The following ANKIB1 variants were observed in gnomAD, a reference collection of about 807,000 sequenced individuals.
The protein encoded by ANKIB1 is ankyrin repeat and IBR domain-containing protein 1.
In ANKIB1, 43 loss-of-function variants were observed where a neutral mutation model predicts 122.1. That is an observed-to-expected ratio of 0.35 (90% confidence interval 0.28 to 0.45). ANKIB1 has a LOEUF of 0.45. Ranked by LOEUF, ANKIB1 falls within the 20% of genes least tolerant of loss-of-function variation. The pLI is 1.00. For synonymous variants in ANKIB1, 390 were observed against 442.0 expected (o/e 0.88, Z 1.48); for missense variants, 992 against 1,329.5 (o/e 0.75, Z 3.95).
chr7:92,373,452 A>T (rs962425525), intron 11 of ANKIB1, among the ~76,000 whole-genome samples: 1 of 152,202 alleles, frequency 6.6e-6, no homozygotes, highest in Non-Finnish European at 1.5e-5. Flanking sequence ...AAGGTAATCC[A>T]ACTTAAACAG....
At chr7:92,335,978 ATTC>A (rs2131966817) in intron 5 of ANKIB1, among the ~76,000 whole-genome samples, 1 of 152,048 alleles carries the variant, frequency 6.6e-6, no homozygotes, top group South Asian at 2.1e-4. Context: ...TGTTGTATAT[ATTC>A]TTATCATTTT....
chr7:92,343,555 C>T (rs185149099), intron 6 of ANKIB1, among the ~76,000 whole-genome samples: 1 of 152,100 alleles, frequency 6.6e-6, no homozygotes. Context: ...AGGCCAGGCA[C>T]AGTAAGTAGC....
chr7:92,335,092 A>G (rs1296086429), intron 5 of ANKIB1, among the ~76,000 whole-genome samples: 1 of 151,400 alleles, frequency 6.6e-6, no homozygotes, highest in Non-Finnish European at 1.5e-5. Flanking sequence ...TTTTTTTTCT[A>G]TTGAGGCCAA....
intron 17 of ANKIB1, 139 bp from the exon 18 acceptor site, chr7:92,396,226 T>C (rs1804886197): frequency 4.7e-6 from 3 of 635,978 alleles, no homozygotes; most frequent in Admixed American, 3.0e-5. Flanking sequence ...TGGCAAAACC[T>C]GATGTTTCAG....
chr7:92,370,644 G>A (rs1285989759), intron 10 of ANKIB1, among the ~76,000 whole-genome samples: 1 of 150,498 alleles, frequency 6.6e-6, no homozygotes, highest in African/African-American at 2.4e-5. Context: ...ACATAGAAAT[G>A]ATAATTACTC....
Position 92,398,453 on chromosome 7 carries a change from T to A in ANKIB1, c.2774T>A (p.Leu925Gln), listed in dbSNP as rs767140253. 2 of 1,613,780 alleles carry A rather than the reference T, an allele frequency of 1.2e-6. No individual in the cohort carries two copies. The highest frequency in any genetic ancestry group is 2.7e-5 in the African/African-American group (2 of 74,922). Residue 925 changes from leucine to glutamine, a missense_variant, in exon 20 of 20, where the codon CTA (leucine) becomes CAA (glutamine). Coordinates refer to ENST00000265742, the MANE Select transcript of ANKIB1 (RefSeq NM_019004.2). ...GAACTTGGTGACAGCCTCATGAGAC[T>A]AGGAGCAGAGAATGACCCATTTTCA... ...LLELGDSLMR[L>Q]GAENDPFSTD...
intron 1 of ANKIB1, among the ~76,000 whole-genome samples, chr7:92,274,466 G>T (rs903677410): frequency 1.3e-5 from 2 of 151,962 alleles, no homozygotes; most frequent in Non-Finnish European, 2.9e-5. Context: ...ATATTGAAGG[G>T]TTTTAAGTAA....
At chr7:92,257,437 T>C (rs1439721455) in intron 1 of ANKIB1, among the ~76,000 whole-genome samples, 1 of 152,198 alleles carries the variant, frequency 6.6e-6, no homozygotes, top group African/African-American at 2.4e-5. Flanking sequence ...TGCCAATAAA[T>C]AAAGAATTGG....
chr7:92,294,782 T>A (rs1469676500), intron 1 of ANKIB1, 107 bp from the exon 2 acceptor site: 6 of 480,194 alleles, frequency 1.2e-5, no homozygotes, highest in Admixed American at 3.8e-5. Context: ...TATAGTTGGT[T>A]CCCTTATCGA....
At chr7:92,345,154 G>A (rs896961177) in intron 7 of ANKIB1, 88 bp downstream of exon 7, 12 of 936,408 alleles carry the variant, frequency 1.3e-5, no homozygotes, top group South Asian at 9.6e-5. Flanking sequence ...ATTTAATGAT[G>A]CAAATTGTTT....
At chr7:92,359,981 A>G (rs1803906998) in intron 9 of ANKIB1, among the ~76,000 whole-genome samples, 1 of 152,148 alleles carries the variant, frequency 6.6e-6, no homozygotes, top group South Asian at 2.1e-4. Flanking sequence ...GCTCTGTAAA[A>G]CCACAATTAT....
chr7:92,294,803 A>AT (rs568594225), intron 1 of ANKIB1, 86 bp from the exon 2 acceptor site: 32 of 509,452 alleles, frequency 6.3e-5, no homozygotes, highest in Admixed American at 1.1e-4. Context: ...TGATTCCCAG[A>AT]TTTTTTTTAG....
At chr7:92,387,555 G>C (rs1409144555) in intron 12 of ANKIB1, among the ~76,000 whole-genome samples, 1 of 151,746 alleles carries the variant, frequency 6.6e-6, no homozygotes, top group Non-Finnish European at 1.5e-5. Context: ...AAAATCAGTT[G>C]AACCTGGGAG....
chr7:92,252,518 C>T (rs912241664), intron 1 of ANKIB1, among the ~76,000 whole-genome samples: 2 of 151,710 alleles, frequency 1.3e-5, no homozygotes, highest in Admixed American at 6.6e-5. Flanking sequence ...TCCCGAGTAG[C>T]TGAGATTACA....
At chr7:92,346,708 TACC>T (rs1803548126) in intron 7 of ANKIB1, among the ~76,000 whole-genome samples, 1 of 152,206 alleles carries the variant, frequency 6.6e-6, no homozygotes, top group African/African-American at 2.4e-5. Context: ...TAGGAAGTAC[TACC>T]TGAGCTCTAC....
chr7:92,362,611 A>G (rs1803977163), intron 10 of ANKIB1, among the ~76,000 whole-genome samples: 1 of 152,210 alleles, frequency 6.6e-6, no homozygotes, highest in African/African-American at 2.4e-5. Context: ...TGGAAGTAGT[A>G]TATGATCTGT....
intron 15 of ANKIB1, 35 bp downstream of exon 15, chr7:92,390,151 G>A: frequency 1.4e-6 from 2 of 1,462,688 alleles, no homozygotes; most frequent in Non-Finnish European, 1.8e-6. Flanking sequence ...AATGGCAGCA[G>A]TTATTATGAA....
intron 5 of ANKIB1, among the ~76,000 whole-genome samples, chr7:92,339,263 T>C (rs1017498244): frequency 5.3e-5 from 8 of 151,680 alleles, no homozygotes; most frequent in Admixed American, 1.3e-4. Flanking sequence ...AGGATGGTCT[T>C]GATCTCCTGA....
intron 3 of ANKIB1, among the ~76,000 whole-genome samples, chr7:92,317,181 A>G (rs1054508282): frequency 1.6e-4 from 24 of 152,254 alleles, no homozygotes; most frequent in African/African-American, 4.1e-4. Context: ...TATTGAATAA[A>G]TTAGGTAATA....
Sources: allele counts gnomAD v4.1 joint callset (sites outside exome capture counted in the v4.1 genomes callset), GRCh38; gene constraint gnomAD v4.1.1; transcripts MANE v1.5; gene names NCBI Gene and HGNC (gene_info 2026-07-23, HGNC 2026-07-21).